The following CLASP2 variants were observed in gnomAD, a reference collection of about 807,000 sequenced individuals.
CLASP2 encodes the protein cytoplasmic linker associated protein 2.
In CLASP2, 47 loss-of-function variants were observed where a neutral mutation model predicts 194.4. That is an observed-to-expected ratio of 0.24 (90% confidence interval 0.19 to 0.31). The LOEUF is 0.31. Ranked by LOEUF, CLASP2 falls within the 10% of genes least tolerant of loss-of-function variation. The pLI, the probability that CLASP2 is intolerant of heterozygous loss-of-function variation, is 1.00. For missense variants in CLASP2, 1,445 were observed against 1,823.6 expected (o/e 0.79, Z 3.78); for synonymous variants, 619 against 633.5 (o/e 0.98, Z 0.34).
chr3:33,659,289 T>C (rs990481430), intron 7 of CLASP2: 5 of 1,184,296 alleles, frequency 4.2e-6, no homozygotes, highest in Non-Finnish European at 5.2e-6. Flanking sequence ...TTTCTCCTTG[T>C]ACTGGCTGCC....
intron 18 of CLASP2, among the ~76,000 whole-genome samples, chr3:33,600,579 T>A (rs2071805274): frequency 6.6e-6 from 1 of 152,186 alleles, no homozygotes; most frequent in Non-Finnish European, 1.5e-5. Flanking sequence ...AACAAAAAGT[T>A]TTCTGAAAAT....
rs201388522 is a variant in CLASP2 at position 33,592,475 on chromosome 3, G to A, written c.1988C>T (p.Ser663Leu). 3,095 of 1,613,416 alleles carry A rather than the reference G, an allele frequency of 1.9e-3. 14 individuals carry two copies. The highest frequency in any genetic ancestry group is 1.8e-3 in the Non-Finnish European group (2,084 of 1,179,598). ...SEDGRVRAKL[S>L]APLAGMGNAK... Reference sequence around the variant, plus strand: ...ATTTCCCATGCCAGCAAGTGGTGCTGAAAGTTTTGCTCTCACCCGGCCTGA... The same window carrying A: ...ATTTCCCATGCCAGCAAGTGGTGCTAAAAGTTTTGCTCTCACCCGGCCTGA... The change falls in exon 21 of 39, where the codon TCA (serine) becomes TTA (leucine). Residue 663 changes from serine (S) to leucine (L), a missense_variant. By Grantham distance (145) the Ser-to-Leu change is moderately radical. This residue lies in a region of CLASP2 where 174 missense variants were observed against 179.0 expected (regional missense o/e 0.97). Coordinates refer to ENST00000682230, the MANE Select transcript of CLASP2 (RefSeq NM_001365631.1).
intron 32 of CLASP2, among the ~76,000 whole-genome samples, chr3:33,541,818 T>C (rs902206439): frequency 2.0e-5 from 3 of 152,210 alleles, no homozygotes; most frequent in African/African-American, 7.2e-5. Context: ...TGTATCTTTA[T>C]AACAGAATGA....
At chr3:33,566,269 C>T (rs1171857231) in intron 27 of CLASP2, among the ~76,000 whole-genome samples, 1 of 152,048 alleles carries the variant, frequency 6.6e-6, no homozygotes, top group Non-Finnish European at 1.5e-5. Flanking sequence ...ACTCTGTTTG[C>T]TTTTATGGAA....
chr3:33,583,879 A>G (rs1383129573), intron 22 of CLASP2, among the ~76,000 whole-genome samples: 3 of 152,244 alleles, frequency 2.0e-5, no homozygotes, highest in African/African-American at 7.2e-5. Flanking sequence ...AAAGTCAGCA[A>G]CATGGTTGAT....
intron 6 of CLASP2, among the ~76,000 whole-genome samples, chr3:33,665,592 A>G (rs534171749): frequency 6.6e-6 from 1 of 152,234 alleles, no homozygotes; most frequent in East Asian, 1.9e-4. Flanking sequence ...CACTTTACCA[A>G]CTTTCAAGTA....
chr3:33,576,366 GA>G, intron 23 of CLASP2, 91 bp from the exon 24 acceptor site: 4 of 878,668 alleles, frequency 4.6e-6, no homozygotes, highest in Admixed American at 2.6e-5. Flanking sequence ...ACAGGGGAAG[GA>G]AAAAAAACCA....
chr3:33,514,794 T>C (rs746134461), intron 36 of CLASP2: 34 of 203,688 alleles, frequency 1.7e-4, no homozygotes, highest in Non-Finnish European at 2.7e-4. Context: ...AATCAATGAA[T>C]GGATAAAGAA....
At chr3:33,669,583 T>C (rs2086780553) in intron 6 of CLASP2, among the ~76,000 whole-genome samples, 1 of 150,146 alleles carries the variant, frequency 6.7e-6, no homozygotes, top group Non-Finnish European at 1.5e-5. Context: ...GAGAACTCAA[T>C]TTAAAAAAAA....
At chr3:33,693,583 T>C (rs907324362) in intron 2 of CLASP2, among the ~76,000 whole-genome samples, 8 of 152,130 alleles carry the variant, frequency 5.3e-5, no homozygotes, top group Admixed American at 6.5e-5. Context: ...TTCTACAAAT[T>C]AGAAATGAAG....
At chr3:33,606,894 T>C in intron 15 of CLASP2, 136 bp from the exon 16 acceptor site, 2 of 673,216 alleles carry the variant, frequency 3.0e-6, no homozygotes, top group Admixed American at 5.8e-5. Flanking sequence ...GGTGAACACT[T>C]TCTAAATTGA....
At chr3:33,625,363 AACACACAC>A (rs779554126) in intron 10 of CLASP2, among the ~76,000 whole-genome samples, 1 of 150,142 alleles carries the variant, frequency 6.7e-6, no homozygotes, top group East Asian at 1.9e-4. Context: ...AGATTCCTAT[AACACACAC>A]ACACACACAC....
chr3:33,630,743 A>C (rs957274960), intron 9 of CLASP2, among the ~76,000 whole-genome samples: 24 of 152,146 alleles, frequency 1.6e-4, no homozygotes, highest in African/African-American at 5.3e-4. Flanking sequence ...AGCAATGAGT[A>C]ATTATAAAAT....
chr3:33,699,886 A>G (rs1390404487), intron 1 of CLASP2, among the ~76,000 whole-genome samples: 3 of 151,806 alleles, frequency 2.0e-5, no homozygotes, highest in Non-Finnish European at 4.4e-5. Context: ...AAAAAAAAAA[A>G]AAAGAATGCT....
At chr3:33,535,508 G>A in intron 33 of CLASP2, 47 bp from the exon 34 acceptor site, 1 of 1,425,282 alleles carries the variant, frequency 7.0e-7, no homozygotes, top group Non-Finnish European at 9.8e-7. Flanking sequence ...CATTTTTCAA[G>A]TATCTATTTA....
intron 22 of CLASP2, among the ~76,000 whole-genome samples, chr3:33,583,072 A>C (rs142700136): frequency 1.3e-5 from 2 of 152,198 alleles, no homozygotes; most frequent in Admixed American, 6.6e-5. Context: ...AAGGAAGAGA[A>C]AGAGGATCCA....
At chr3:33,648,275 A>T (rs1308633372) in intron 7 of CLASP2, among the ~76,000 whole-genome samples, 1 of 152,172 alleles carries the variant, frequency 6.6e-6, no homozygotes, top group African/African-American at 2.4e-5. Flanking sequence ...ATTTTTACCT[A>T]TAAGGTCACA....
rs894652470 is a variant in CLASP2, at chr3:33,547,757, C to T, written c.3154-2916G>A. 6.6e-4 allele frequency among the ~76,000 whole-genome samples: 99 copies of T among 151,106 alleles called. 2 individuals carry two copies. Among genetic ancestry groups the T allele is most frequent in the African/African-American group, 2.3e-3 (94 of 41,080 alleles). ...TTACCACCAGTGACGCCATCTGAGC[C>T]TGGGCTTTTCTTTGTGCAGTTTTAT... is the stretch of plus-strand genomic sequence containing the variant. On this transcript the variant is annotated intron_variant, in intron 30 of 38. Coordinates refer to ENST00000682230, the MANE Select transcript of CLASP2 (RefSeq NM_001365631.1).
intron 22 of CLASP2, 47 bp from the exon 23 acceptor site, chr3:33,581,975 CAG>C: frequency 7.4e-7 from 1 of 1,358,214 alleles, no homozygotes; most frequent in Non-Finnish European, 1.0e-6. Context: ...GAAAACAGAA[CAG>C]AGTTTGCATT....
Sources: gnomAD v4.1 joint callset for allele counts (sites outside exome capture counted in the v4.1 genomes callset) on GRCh38, gnomAD v4.1.1 for gene constraint, gnomAD v4.1.1 regional missense constraint, MANE v1.5 for transcripts, NCBI Gene and HGNC (gene_info 2026-07-23, HGNC 2026-07-21) for gene names.